GNAL: variants seen among roughly 807,000 people sequenced by gnomAD.
GNAL encodes guanine nucleotide-binding protein G(olf) subunit alpha.
A neutral mutation model predicts 55.1 loss-of-function variants in GNAL; 18 were observed. The ratio of observed to expected loss-of-function variants is 0.33; its 90% confidence interval spans 0.23 to 0.48. GNAL has a LOEUF of 0.48. Among genes scored for constraint, GNAL ranks in the 20% least tolerant of loss-of-function variants. The pLI is 0.99. For synonymous variants in GNAL, 253 were observed against 237.0 expected, an observed-to-expected ratio of 1.07 and a Z score of -0.62; for missense variants, 412 against 614.1, an observed-to-expected ratio of 0.67 and a Z score of 3.48.
chr18:11,872,714 G>A (rs999086795), intron 10 of GNAL, among the ~76,000 whole-genome samples: 6 of 152,160 alleles, frequency 3.9e-5, no homozygotes, highest in Non-Finnish European at 8.8e-5. Context: ...GACATGACAG[G>A]TGCCTTGTTA....
chr18:11,846,538 GCTCATTGTAGT>G lies in GNAL; in HGVS notation c.723-15853_723-15843del, dbSNP rs553829250. ...GCTGGAATACAGTGGCATGATTATA[GCTCATTGTAGT>G]CTCGAACTCCTGGACACAGAGATCC... On this transcript the variant is annotated intron_variant, in intron 5 of 11. Transcript: ENST00000334049. 2.1e-4 allele frequency among the ~76,000 whole-genome samples: 31 copies of G among 150,464 alleles called. No individual in the cohort carries two copies. The South Asian group carries it at 6.3e-3, about 31-fold the overall frequency.
intron 4 of GNAL, among the ~76,000 whole-genome samples, chr18:11,762,203 G>T (rs1598436208): frequency 6.6e-6 from 1 of 152,312 alleles, no homozygotes; most frequent in Non-Finnish European, 1.5e-5. Context: ...ATGGAACGTG[G>T]CTTCCTGAGC....
intron 4 of GNAL, among the ~76,000 whole-genome samples, chr18:11,799,798 G>A (rs184292566): frequency 7.9e-5 from 12 of 152,076 alleles, no homozygotes; most frequent in East Asian, 5.8e-4. Context: ...TTTCAGCAGT[G>A]GACTGACAAT....
intron 1 of GNAL, among the ~76,000 whole-genome samples, chr18:11,750,924 G>A (rs2032805023): frequency 6.6e-6 from 1 of 152,090 alleles, no homozygotes; most frequent in Admixed American, 6.5e-5. Flanking sequence ...GGGAAGGTGC[G>A]CTGGGTGAGG....
intron 4 of GNAL, among the ~76,000 whole-genome samples, chr18:11,758,896 G>A (rs903356135): frequency 3.9e-5 from 6 of 152,212 alleles, no homozygotes; most frequent in African/African-American, 1.4e-4. Flanking sequence ...AAATAGGCCG[G>A]GCATGGTGGC....
At chr18:11,690,025 G>A in intron 1 of GNAL, 86 bp downstream of exon 1, 1 of 788,228 alleles carries the variant, frequency 1.3e-6, no homozygotes, top group Non-Finnish European at 1.7e-6. Context: ...AGCGGTGGCG[G>A]GCACCGGGGA....
intron 4 of GNAL, among the ~76,000 whole-genome samples, chr18:11,824,241 ATGTT>A (rs1312200330): frequency 1.7e-5 from 2 of 116,240 alleles, no homozygotes; most frequent in Non-Finnish European, 3.5e-5. Flanking sequence ...TATAATATGC[ATGTT>A]TTTTTCATGG....
At chr18:11,728,436 T>C (rs2032262888) in intron 1 of GNAL, among the ~76,000 whole-genome samples, 1 of 152,188 alleles carries the variant, frequency 6.6e-6, no homozygotes, top group South Asian at 2.1e-4. Context: ...CTGTCTTGAT[T>C]CTGCCCTCTT....
At chr18:11,813,025 G>A (rs2034858717) in intron 4 of GNAL, among the ~76,000 whole-genome samples, 2 of 152,088 alleles carry the variant, frequency 1.3e-5, no homozygotes, top group East Asian at 1.9e-4. Flanking sequence ...GGAGGCCAAG[G>A]CAGGCAGATC....
intron 4 of GNAL, among the ~76,000 whole-genome samples, chr18:11,791,561 C>T (rs937283619): frequency 2.0e-5 from 3 of 152,294 alleles, no homozygotes; most frequent in Middle Eastern, 3.4e-3. Flanking sequence ...GGAGGAACTA[C>T]AACCAACTCC....
intron 5 of GNAL, among the ~76,000 whole-genome samples, chr18:11,846,464 T>TATACACACACACACACACACAC (rs1555613166): frequency 1.4e-5 from 2 of 140,094 alleles, no homozygotes; most frequent in African/African-American, 5.4e-5. Context: ...TATATAAATA[T>TATACACACACACACACACACAC]ACACACACAC....
intron 4 of GNAL, among the ~76,000 whole-genome samples, chr18:11,823,259 G>T (rs1402163955): frequency 2.0e-5 from 3 of 152,202 alleles, no homozygotes. Context: ...ATCAGAGGAA[G>T]ATTCCAGAAG....
chr18:11,747,343 G>T, intron 1 of GNAL: 1 of 184,136 alleles, frequency 5.4e-6, no homozygotes, highest in East Asian at 1.6e-4. Flanking sequence ...GGTTTAAGGT[G>T]TTACAGGAAT....
chr18:11,732,231 C>G (rs1334236368), intron 1 of GNAL, among the ~76,000 whole-genome samples: 2 of 152,098 alleles, frequency 1.3e-5, no homozygotes, highest in African/African-American at 4.8e-5. Flanking sequence ...ACTGTATGTT[C>G]AACTTTTTAA....
intron 5 of GNAL, among the ~76,000 whole-genome samples, chr18:11,842,603 C>T (rs1598421666): frequency 6.6e-6 from 1 of 151,966 alleles, no homozygotes; most frequent in Non-Finnish European, 1.5e-5. Context: ...AGCATGCAAC[C>T]TAGATCCCTC....
rs575686503 is a variant in GNAL, at chr18:11,859,910, G to C, written c.723-2485G>C. Among the ~76,000 whole-genome samples the C allele has an allele frequency of 3.3e-5, 5 of 151,932 alleles. No homozygotes were observed. The South Asian group carries it at 6.2e-4, about 19-fold the overall frequency. On this transcript the variant is annotated intron_variant, in intron 5 of 11. Transcript: ENST00000334049. The stretch of plus-strand genomic sequence containing the variant: ...ACAGGCATGCGTGCCACCACACCTG[G>C]CTAATTTTTGTAGTTTTCGTAGAGA...
intron 4 of GNAL, among the ~76,000 whole-genome samples, chr18:11,757,779 G>A (rs2033107701): frequency 6.6e-6 from 1 of 152,152 alleles, no homozygotes; most frequent in Non-Finnish European, 1.5e-5. Flanking sequence ...GGCCCCAGGA[G>A]GAGCCATTGC....
Position 11,690,944 on chromosome 18 carries a change from G to A in GNAL, c.376+1005G>A, listed in dbSNP as rs1350204561. On this transcript the variant is annotated intron_variant, in intron 1 of 11. Transcript: ENST00000334049. ...TACGTGTGCATGTGTCTTTATAGCA[G>A]CATGATTTATAGTCCTTTGGGTATA... Among the ~76,000 whole-genome samples, 435 of 148,896 alleles carry A rather than the reference G, an allele frequency of 2.9e-3. 2 individuals are homozygous for A. The highest frequency in any genetic ancestry group is 0.011 in the African/African-American group (420 of 38,756).
chr18:11,864,609 G>A lies in GNAL; in HGVS notation c.851+3G>A. The A allele has an allele frequency of 6.6e-7, 1 of 1,512,384 alleles. No individual in the cohort carries two copies. The allele number at this position is 1,512,384 out of a possible 1,614,324, so 93.7% of individuals were successfully genotyped here. ...CAAGTGGACAAAGTAAACTTCCAGT[G>A]AGTATGTTGTTAAGAGCTGCATGGC... On this transcript the variant is annotated splice_donor_region_variant and intron_variant, in intron 7 of 11. Transcript: ENST00000334049.
Sources: allele counts gnomAD v4.1 joint callset (sites outside exome capture counted in the v4.1 genomes callset), GRCh38; gene constraint gnomAD v4.1.1; transcripts MANE v1.5; gene names NCBI Gene and HGNC (gene_info 2026-07-23, HGNC 2026-07-21).